The following RIMS2 variants were observed in gnomAD, a reference collection of about 807,000 sequenced individuals.
The protein encoded by RIMS2 is regulating synaptic membrane exocytosis protein 2.
Under a neutral mutation model 174.4 loss-of-function variants are expected in RIMS2, and 59 were observed. The observed-to-expected ratio is 0.34, with a 90% CI of 0.27 to 0.42. The LOEUF is 0.42. Among genes scored for constraint, RIMS2 ranks in the 10% least tolerant of loss-of-function variants. The probability of loss-of-function intolerance (pLI) is 1.00; values close to 1 mark genes in which losing one functional copy is unlikely to be tolerated. For synonymous variants in RIMS2, 606 were observed against 572.5 expected, an observed-to-expected ratio of 1.06 and a Z score of -0.84; for missense variants, 1,620 against 1,666.3, an observed-to-expected ratio of 0.97 and a Z score of 0.48.
At chr8:103,763,549 A>G (rs1047182643) in intron 2 of RIMS2, among the ~76,000 whole-genome samples, 29 of 152,010 alleles carry the variant, frequency 1.9e-4, no homozygotes, top group Admixed American at 1.0e-3. Context: ...AAGGGAGGGA[A>G]GAAGGGAGGA....
rs1434298214 is a variant in RIMS2 at position 103,530,886 on chromosome 8, G to T, written c.176+29824G>T. ...ACTGTTTTATTTCTTGCTTTGAAGTGCTGGTTACATGGATGTATTAAATGT... is the reference window on the plus strand; with the variant it reads ...ACTGTTTTATTTCTTGCTTTGAAGTTCTGGTTACATGGATGTATTAAATGT... On this transcript the variant is annotated intron_variant, in intron 1 of 23. Transcript: ENST00000504942. 2.6e-5 allele frequency among the ~76,000 whole-genome samples: 4 copies of T among 151,926 alleles called. 1 individual carries two copies. Among genetic ancestry groups the T allele is most frequent in the Admixed American group, 6.6e-5 (1 of 15,242 alleles).
chr8:103,768,595 T>G, intron 3 of RIMS2: 1 of 1,300,936 alleles, frequency 7.7e-7, no homozygotes, highest in Non-Finnish European at 1.1e-6. Context: ...TGGATGCCAA[T>G]CGGAGTGCTC....
At chr8:103,671,391 T>C (rs996936585) in intron 1 of RIMS2, among the ~76,000 whole-genome samples, 10 of 152,214 alleles carry the variant, frequency 6.6e-5, no homozygotes, top group African/African-American at 2.2e-4. Context: ...TATGAAAACC[T>C]GGCAAAGTAT....
chr8:103,913,780 T>C (rs1180289001), intron 6 of RIMS2, among the ~76,000 whole-genome samples: 1 of 152,060 alleles, frequency 6.6e-6, no homozygotes, highest in East Asian at 1.9e-4. Flanking sequence ...AGGTGCCACA[T>C]AGGTTTAAAT....
At chr8:103,961,228 C>A in intron 15 of RIMS2, 95 bp downstream of exon 17, 3 of 711,048 alleles carry the variant, frequency 4.2e-6, no homozygotes, top group Non-Finnish European at 7.4e-6. Flanking sequence ...AAAGATATAA[C>A]TCGTCTTCTC....
intron 2 of RIMS2, among the ~76,000 whole-genome samples, chr8:103,755,059 G>T (rs931046350): frequency 2.0e-5 from 3 of 152,134 alleles, no homozygotes; most frequent in Non-Finnish European, 2.9e-5. Flanking sequence ...TTTTGCAGTG[G>T]CTGGTACCGG....
intron 1 of RIMS2, among the ~76,000 whole-genome samples, chr8:103,651,582 AT>A (rs2096453811): frequency 1.3e-5 from 2 of 152,298 alleles, no homozygotes; most frequent in Non-Finnish European, 2.9e-5. Context: ...TATTATAGTT[AT>A]TTCTATACTA....
intron 1 of RIMS2, among the ~76,000 whole-genome samples, chr8:103,687,461 T>C (rs2096956136): frequency 1.3e-5 from 2 of 152,162 alleles, no homozygotes; most frequent in Admixed American, 1.3e-4. Context: ...TTGAAGTCTG[T>C]ATATATTGTG....
chr8:104,095,232 A>C (rs533972380), intron 19 of RIMS2, among the ~76,000 whole-genome samples: 1 of 152,294 alleles, frequency 6.6e-6, no homozygotes, highest in East Asian at 1.9e-4. Flanking sequence ...CAGGTAGCAA[A>C]TAGTAGACTT....
At chr8:103,538,603 G>A (rs187575012) in intron 1 of RIMS2, among the ~76,000 whole-genome samples, 8 of 151,918 alleles carry the variant, frequency 5.3e-5, no homozygotes, top group East Asian at 1.9e-4. Context: ...TGCAAGCTCC[G>A]CCTCCTGGGT....
intron 1 of RIMS2, among the ~76,000 whole-genome samples, chr8:103,689,299 C>A (rs1380769202): frequency 2.6e-5 from 4 of 151,920 alleles, no homozygotes; most frequent in African/African-American, 9.7e-5. Flanking sequence ...TGAGAATGAT[C>A]CATGTGCTGA....
At chr8:103,813,389 CTTCTTTCT>C (rs201996486) in intron 3 of RIMS2, among the ~76,000 whole-genome samples, 17 of 147,378 alleles carry the variant, frequency 1.2e-4, no homozygotes, top group Admixed American at 2.7e-4. Flanking sequence ...AGAATTTACA[CTTCTTTCT>C]TTCTTTCTTT....
chr8:103,664,659 C>A (rs2096645886), intron 1 of RIMS2, among the ~76,000 whole-genome samples: 2 of 152,180 alleles, frequency 1.3e-5, no homozygotes, highest in South Asian at 4.1e-4. Flanking sequence ...GAAATAGGAA[C>A]ACTTTTACAC....
At chr8:104,247,632 A>G (rs2441808) in intron 20 of RIMS2, among the ~76,000 whole-genome samples, 52,471 of 152,140 alleles carry the variant, frequency 0.34, 9,515 homozygotes, top group African/African-American at 0.47. Context: ...GAAGAATGAG[A>G]TTACCATTTA....
intron 1 of RIMS2, among the ~76,000 whole-genome samples, chr8:103,554,297 A>G (rs557531284): frequency 6.6e-6 from 1 of 152,350 alleles, no homozygotes; most frequent in South Asian, 2.1e-4. Flanking sequence ...TGCATCCAGC[A>G]AAGGTCTACT....
chr8:103,742,910 A>T (rs999918656), intron 2 of RIMS2, among the ~76,000 whole-genome samples: 1 of 152,166 alleles, frequency 6.6e-6, no homozygotes, highest in Non-Finnish European at 1.5e-5. Flanking sequence ...TTAATGCTTT[A>T]TGAATTCTAA....
At chr8:103,655,394 G>T (rs1044231559) in intron 1 of RIMS2, among the ~76,000 whole-genome samples, 2 of 152,076 alleles carry the variant, frequency 1.3e-5, no homozygotes, top group African/African-American at 4.8e-5. Flanking sequence ...TAGGAAAAAT[G>T]ATAAATGCCT....
chr8:104,253,720 C>T (rs2099363944), downstream of RIMS2: 1 of 152,140 alleles, frequency 6.6e-6, no homozygotes, highest in South Asian at 2.1e-4. Context: ...ATTATTATAG[C>T]TTGATTTTAA....
At chr8:104,251,763 A>G in exon 24 of RIMS2, 1 of 1,613,158 alleles carries the variant, frequency 6.2e-7, no homozygotes, top group Non-Finnish European at 8.5e-7. Flanking sequence ...CTCTGACAAG[A>G]AGAGCTTCCC....
Sources: gnomAD v4.1 joint callset for allele counts (sites outside exome capture counted in the v4.1 genomes callset) on GRCh38, gnomAD v4.1.1 for gene constraint, MANE v1.5 for transcripts, NCBI Gene and HGNC (gene_info 2026-07-23, HGNC 2026-07-21) for gene names.